CPPED1: variants seen among roughly 807,000 people sequenced by gnomAD.
CPPED1 encodes serine/threonine-protein phosphatase CPPED1.
Under a neutral mutation model 28.0 loss-of-function variants are expected in CPPED1, and 28 were observed. That is an observed-to-expected ratio of 1.00 (90% CI 0.74 to 1.37). CPPED1 has a LOEUF of 1.37. CPPED1 is among the 40% of genes most tolerant of loss of function. The pLI, the probability that CPPED1 is intolerant of heterozygous loss-of-function variation, is 0.00. For missense variants in CPPED1, 504 were observed against 416.5 expected (o/e 1.21, Z -1.83); for synonymous variants, 198 against 180.2 (o/e 1.10, Z -0.79).
At chr16:12,790,352 A>T (rs2080588814) in intron 1 of CPPED1, among the ~76,000 whole-genome samples, 1 of 152,172 alleles carries the variant, frequency 6.6e-6, no homozygotes, top group Non-Finnish European at 1.5e-5. Flanking sequence ...TGACTTTTTA[A>T]TATATACCAA....
chr16:12,794,717 T>C (rs985218240), intron 1 of CPPED1, among the ~76,000 whole-genome samples: 20 of 152,194 alleles, frequency 1.3e-4, no homozygotes, highest in African/African-American at 4.3e-4. Flanking sequence ...TTCGGTCGGA[T>C]CTTAGAGCAT....
intron 2 of CPPED1, among the ~76,000 whole-genome samples, chr16:12,748,614 G>A (rs1400776667): frequency 2.0e-5 from 3 of 152,096 alleles, no homozygotes; most frequent in Non-Finnish European, 4.4e-5. Context: ...GGCCGGGCGC[G>A]GTGGCTCATG....
chr16:12,783,902 T>C (rs983968789), intron 1 of CPPED1, among the ~76,000 whole-genome samples: 26 of 152,144 alleles, frequency 1.7e-4, no homozygotes, highest in African/African-American at 5.8e-4. Flanking sequence ...GACAGCAATA[T>C]GGCACATCCA....
At chr16:12,787,047 C>CGT (rs1200552164) in intron 1 of CPPED1, among the ~76,000 whole-genome samples, 1 of 152,212 alleles carries the variant, frequency 6.6e-6, no homozygotes, top group Non-Finnish European at 1.5e-5. Context: ...CATACGTACA[C>CGT]ACACACATAC....
At chr16:12,772,583 T>C (rs2080476195) in intron 2 of CPPED1, among the ~76,000 whole-genome samples, 1 of 152,388 alleles carries the variant, frequency 6.6e-6, no homozygotes, top group East Asian at 1.9e-4. Context: ...ATTGAGTCTC[T>C]TTGGTCCCAA....
intron 3 of CPPED1, among the ~76,000 whole-genome samples, chr16:12,688,537 C>T (rs575967331): frequency 6.6e-6 from 1 of 152,078 alleles, no homozygotes; most frequent in Non-Finnish European, 1.5e-5. Flanking sequence ...TGGAGTTTTG[C>T]CATGTTGGCC....
chr16:12,726,061 A>G (rs1344097897), intron 2 of CPPED1, among the ~76,000 whole-genome samples: 1 of 151,314 alleles, frequency 6.6e-6, no homozygotes, highest in Non-Finnish European at 1.5e-5. Context: ...TTTTTTTATG[A>G]GATGAAGTCT....
chr16:12,764,276 T>C (rs967057436), intron 2 of CPPED1, among the ~76,000 whole-genome samples: 3 of 152,042 alleles, frequency 2.0e-5, no homozygotes, highest in African/African-American at 7.2e-5. Flanking sequence ...CGATCTCAGC[T>C]TACTGCAACC....
intron 3 of CPPED1, among the ~76,000 whole-genome samples, chr16:12,668,082 A>G (rs768160052): frequency 3.9e-5 from 6 of 152,206 alleles, no homozygotes; most frequent in Non-Finnish European, 5.9e-5. Context: ...CTGACAGCAA[A>G]TAACTATGAA....
In CPPED1 at chr16:12,769,697, G is replaced by C. The variant is rs1259703161; in HGVS notation, c.289+11488C>G. The stretch of plus-strand genomic sequence containing the variant: ...AAGGAGTGCAGGAGCCAGGGGGCTT[G>C]GCTGATTGCTCCCAGGTTACTGCTC... On this transcript the variant is annotated intron_variant, in intron 2 of 3. Transcript: ENST00000381774. Among the ~76,000 whole-genome samples the C allele has an allele frequency of 3.9e-5, 6 of 152,150 alleles. No individual in the cohort carries two copies. In the East Asian group the frequency reaches 1.2e-3, roughly 29 times the overall value.
intron 1 of CPPED1, among the ~76,000 whole-genome samples, chr16:12,790,861 G>A (rs562557941): frequency 3.3e-5 from 5 of 149,820 alleles, no homozygotes; most frequent in South Asian, 2.1e-4. Flanking sequence ...CCTTGGAGGC[G>A]GAGGCTGCAG....
At chr16:12,771,851 G>A (rs904900021) in intron 2 of CPPED1, among the ~76,000 whole-genome samples, 2 of 152,146 alleles carry the variant, frequency 1.3e-5, no homozygotes, top group African/African-American at 4.8e-5. Context: ...GGTCAGGCAT[G>A]GTGGCTCATG....
At chr16:12,769,818 T>C (rs2080459782) in intron 2 of CPPED1, among the ~76,000 whole-genome samples, 1 of 152,196 alleles carries the variant, frequency 6.6e-6, no homozygotes, top group South Asian at 2.1e-4. Flanking sequence ...GGCATCACTC[T>C]CTTGCACGCA....
intron 1 of CPPED1, among the ~76,000 whole-genome samples, chr16:12,792,957 G>A (rs918559291): frequency 7.9e-5 from 12 of 151,876 alleles, no homozygotes; most frequent in East Asian, 1.9e-4. Flanking sequence ...TCTGGTATAC[G>A]CTCTCCATTC....
chr16:12,781,346 A>C lies in CPPED1; in HGVS notation c.128T>G (p.Phe43Cys). 1 of 1,614,082 alleles carries C rather than the reference A, an allele frequency of 6.2e-7. No homozygotes were observed. The highest frequency in any genetic ancestry group is 8.5e-7 in the Non-Finnish European group (1 of 1,180,024). The stretch of plus-strand genomic sequence containing the variant: ...AGTGGACCAGGCCTTGATCAGCCCA[A>C]ACTGTGGGTCTGCGCCCAGGATGAA... ...FYFILGADPQ[F>C]GLIKAWSTGD... Residue 43 changes from phenylalanine (F) to cysteine (C), a missense_variant, in exon 2 of 4, where the codon TTT becomes TGT. Phe to Cys is a radical substitution (Grantham distance 205). Transcript: ENST00000381774.
At chr16:12,797,672 T>C (rs2080635857) in intron 1 of CPPED1, among the ~76,000 whole-genome samples, 1 of 151,828 alleles carries the variant, frequency 6.6e-6, no homozygotes, top group Non-Finnish European at 1.5e-5. Context: ...GGGCCACACA[T>C]GAAATACACT....
At chr16:12,740,737 A>G (rs2080250928) in intron 2 of CPPED1, among the ~76,000 whole-genome samples, 1 of 152,168 alleles carries the variant, frequency 6.6e-6, no homozygotes, top group Admixed American at 6.5e-5. Context: ...GCAGGGGTGA[A>G]GGAGAGAATC....
chr16:12,699,481 G>A (rs541503124), intron 3 of CPPED1, among the ~76,000 whole-genome samples: 5 of 151,934 alleles, frequency 3.3e-5, no homozygotes, highest in South Asian at 4.2e-4. Flanking sequence ...CCTCCTCCTC[G>A]TTTATCTCAT....
chr16:12,780,365 G>A (rs974805024), intron 2 of CPPED1, among the ~76,000 whole-genome samples: 2 of 151,982 alleles, frequency 1.3e-5, no homozygotes, highest in South Asian at 2.1e-4. Flanking sequence ...TAGTAGAGAC[G>A]GGGTTTCACC....
Sources: allele counts gnomAD v4.1 joint callset (sites outside exome capture counted in the v4.1 genomes callset), GRCh38; gene constraint gnomAD v4.1.1; transcripts MANE v1.5; gene names NCBI Gene and HGNC (gene_info 2026-07-23, HGNC 2026-07-21).